MCU: variants seen among roughly 807,000 people sequenced by gnomAD.
MCU encodes mitochondrial calcium uniporter.
Under a neutral mutation model 45.2 loss-of-function variants are expected in MCU, and 12 were observed. That is an observed-to-expected ratio of 0.27 (90% CI 0.17 to 0.43). The LOEUF is 0.43. MCU is among the 20% of genes least tolerant of loss of function. The pLI is 1.00. For synonymous variants in MCU, 160 were observed against 165.1 expected, an observed-to-expected ratio of 0.97 and a Z score of 0.24; for missense variants, 324 against 436.7, an observed-to-expected ratio of 0.74 and a Z score of 2.30.
intron 6 of MCU, among the ~76,000 whole-genome samples, chr10:72,872,384 CT>C (rs1160016271): frequency 6.6e-6 from 1 of 152,076 alleles, no homozygotes; most frequent in Non-Finnish European, 1.5e-5. Flanking sequence ...CATTAACTAA[CT>C]TTTCCCTATC....
chr10:72,702,205 C>T lies in MCU; in HGVS notation c.150+9904C>T, dbSNP rs1473580338. On this transcript the variant is annotated intron_variant, in intron 1 of 7. Transcript: ENST00000373053. ...GGCAGAGGTTGCAGTGACCCGAGAT[C>T]GCACCACTGCACTCCAGCCTGGGCG... Among the ~76,000 whole-genome samples, 4 of 150,596 alleles carry T rather than the reference C, an allele frequency of 2.7e-5. No individual in the cohort carries two copies. The East Asian group carries it at 5.9e-4, about 22-fold the overall frequency.
intron 1 of MCU, among the ~76,000 whole-genome samples, chr10:72,793,076 A>G (rs1365300869): frequency 6.6e-6 from 1 of 152,042 alleles, no homozygotes; most frequent in Non-Finnish European, 1.5e-5. Flanking sequence ...ACAGGGTTTC[A>G]CCATGTTGCC....
chr10:72,707,864 G>A (rs181918146), intron 1 of MCU, among the ~76,000 whole-genome samples: 1 of 151,854 alleles, frequency 6.6e-6, no homozygotes, highest in African/African-American at 2.4e-5. Context: ...TCTGAGGTGG[G>A]GGTCTCACTA....
intron 1 of MCU, chr10:72,692,839 G>C: frequency 1.4e-6 from 2 of 1,426,460 alleles, no homozygotes; most frequent in Non-Finnish European, 9.1e-7. Context: ...CCGAGGGGTC[G>C]GGCAGGAAGG....
rs376008874 is a variant in MCU, at chr10:72,870,990, TC to T, written c.658-385del. On this transcript the variant is annotated intron_variant, in intron 5 of 7. Coordinates refer to ENST00000373053, the MANE Select transcript of MCU (RefSeq NM_138357.3). ...ATCTTGGCTCACTGCATCCTCCAGT[TC>T]CTGGGCTCAAGCGATTCACCCACCC... Among the ~76,000 whole-genome samples the T allele has an allele frequency of 5.9e-3, 905 of 152,302 alleles. 11 individuals carry two copies. The highest frequency in any genetic ancestry group is 0.021 in the African/African-American group (854 of 41,574).
At chr10:72,791,238 A>G (rs527631195) in intron 1 of MCU, among the ~76,000 whole-genome samples, 79 of 152,340 alleles carry the variant, frequency 5.2e-4, no homozygotes, top group Non-Finnish European at 9.0e-4. Flanking sequence ...AGGAATGACT[A>G]TAGTGTCTTA....
chr10:72,854,921 A>C (rs988325384), intron 2 of MCU, among the ~76,000 whole-genome samples: 5 of 152,186 alleles, frequency 3.3e-5, no homozygotes, highest in Non-Finnish European at 7.3e-5. Context: ...AAGTTTAGCA[A>C]TACTTGCTCT....
intron 1 of MCU, among the ~76,000 whole-genome samples, chr10:72,733,980 G>C (rs1208350131): frequency 1.3e-5 from 2 of 151,816 alleles, no homozygotes; most frequent in Non-Finnish European, 2.9e-5. Flanking sequence ...AAGGGAATGT[G>C]GTCCAAGAAG....
intron 1 of MCU, among the ~76,000 whole-genome samples, chr10:72,717,288 C>T (rs1463523404): frequency 6.7e-6 from 1 of 150,226 alleles, no homozygotes; most frequent in African/African-American, 2.5e-5. Context: ...GAGATACAGT[C>T]TCGCTCTGTC....
rs770728826 is a variant in MCU at position 72,780,552 on chromosome 10, T to TGTGTGTGTGTGTGTG, written c.151-53806_151-53805insTGTGTGTGTGTGTGG. Among the ~76,000 whole-genome samples, 82 of 20,312 alleles carry TGTGTGTGTGTGTGTG rather than the reference T, an allele frequency of 4.0e-3. 1 individual carries two copies. Among genetic ancestry groups the TGTGTGTGTGTGTGTG allele is most frequent in the Non-Finnish European group, 6.4e-3 (60 of 9,348 alleles). The allele number at this position is 20,312 out of a possible 152,430, so 13.3% of individuals were successfully genotyped here. ...TGTGTGTGTGTGTGTGTGTGTGTGT[T>TGTGTGTGTGTGTGTG]GGGTGAATTTGGAAGAGAGGAAGAG... is the stretch of plus-strand genomic sequence containing the variant. On this transcript the variant is annotated intron_variant, in intron 1 of 7. Transcript: ENST00000373053.
rs182444478 is a variant in MCU at position 72,865,877 on chromosome 10, T to C, written c.497-2826T>C. 7.7e-3 allele frequency among the ~76,000 whole-genome samples: 1,165 copies of C among 151,636 alleles called. 8 individuals are homozygous for C. Among genetic ancestry groups the C allele is most frequent in the Non-Finnish European group, 0.011 (757 of 67,860 alleles). On this transcript the variant is annotated intron_variant, in intron 4 of 7. Transcript: ENST00000373053. ...CTGCAAGCTCTGCCTCCTGGGTTCA[T>C]GCCATTCTGCTGTCTCAGCCTCCTG...
At chr10:72,810,036 G>A (rs973140132) in intron 1 of MCU, among the ~76,000 whole-genome samples, 28 of 151,992 alleles carry the variant, frequency 1.8e-4, no homozygotes, top group East Asian at 3.9e-4. Context: ...ATGTGTGTGC[G>A]CGTGAACATA....
chr10:72,815,769 T>G (rs1362922923), intron 1 of MCU, among the ~76,000 whole-genome samples: 2 of 152,152 alleles, frequency 1.3e-5, no homozygotes, highest in Non-Finnish European at 2.9e-5. Flanking sequence ...AATCAAAGAA[T>G]TCAGAAATAA....
intron 1 of MCU, among the ~76,000 whole-genome samples, chr10:72,825,974 A>G (rs1470419507): frequency 6.6e-6 from 1 of 152,204 alleles, no homozygotes; most frequent in Non-Finnish European, 1.5e-5. Flanking sequence ...TTTCCTCTCT[A>G]TGAGCCCTAG....
chr10:72,843,038 A>G (rs1845069187), intron 2 of MCU, among the ~76,000 whole-genome samples: 1 of 152,130 alleles, frequency 6.6e-6, no homozygotes, highest in Non-Finnish European at 1.5e-5. Flanking sequence ...TCACATCCCA[A>G]ATGAGAGAAG....
intron 1 of MCU, among the ~76,000 whole-genome samples, chr10:72,802,698 C>A (rs1301227827): frequency 2.6e-5 from 4 of 152,162 alleles, no homozygotes; most frequent in African/African-American, 9.7e-5. Flanking sequence ...AACACTATTC[C>A]TTTGTATAAT....
intron 1 of MCU, among the ~76,000 whole-genome samples, chr10:72,774,379 C>T (rs1275376382): frequency 6.6e-6 from 1 of 151,918 alleles, no homozygotes; most frequent in Non-Finnish European, 1.5e-5. Context: ...TTTTGTAAGC[C>T]TCATGGTAAC....
intron 2 of MCU, among the ~76,000 whole-genome samples, chr10:72,846,972 T>C (rs927120681): frequency 2.2e-4 from 34 of 152,178 alleles, no homozygotes; most frequent in African/African-American, 8.2e-4. Context: ...TGTCAGTGTA[T>C]TGATTTCCTT....
intron 1 of MCU, among the ~76,000 whole-genome samples, chr10:72,805,125 T>TTC (rs1160267614): frequency 7.4e-6 from 1 of 134,406 alleles, no homozygotes; most frequent in Non-Finnish European, 1.5e-5. Flanking sequence ...CTTTCTTTCT[T>TTC]TCTTTCTTTC....
Sources: gnomAD v4.1 joint callset for allele counts (sites outside exome capture counted in the v4.1 genomes callset) on GRCh38, gnomAD v4.1.1 for gene constraint, MANE v1.5 for transcripts, NCBI Gene and HGNC (gene_info 2026-07-23, HGNC 2026-07-21) for gene names.